PRKN: variants seen among roughly 807,000 people sequenced by gnomAD.
PRKN encodes the protein parkin RBR E3 ubiquitin protein ligase.
Under a neutral mutation model 59.5 loss-of-function variants are expected in PRKN, and 56 were observed. The observed-to-expected ratio is 0.94, with a 90% CI of 0.76 to 1.18. The LOEUF is 1.18. Among genes scored for constraint, PRKN ranks in the 50% most tolerant of loss-of-function variants. PRKN has a pLI of 0.00. For missense variants in PRKN, 657 were observed against 596.4 expected, an observed-to-expected ratio of 1.10 and a Z score of -1.06; for synonymous variants, 250 against 222.1, an observed-to-expected ratio of 1.13 and a Z score of -1.12.
chr6:161,788,747 A>C (rs1790525474), intron 6 of PRKN, among the ~76,000 whole-genome samples: 1 of 152,194 alleles, frequency 6.6e-6, no homozygotes. Flanking sequence ...GGAAGCTGGA[A>C]TGTTGTGTGT....
intron 7 of PRKN, chr6:161,715,996 T>G: frequency 1.4e-6 from 1 of 710,832 alleles, no homozygotes; most frequent in Non-Finnish European, 2.2e-6. Context: ...GGCCCTGTGA[T>G]CTATATTTAA....
At chr6:162,210,754 G>T (rs1226680979) in intron 3 of PRKN, among the ~76,000 whole-genome samples, 2 of 152,026 alleles carry the variant, frequency 1.3e-5, no homozygotes, top group Admixed American at 1.3e-4. Flanking sequence ...CTGCAGAAAA[G>T]TTAGGAAGGA....
At chr6:161,704,874 C>T (rs998540664) in intron 7 of PRKN, among the ~76,000 whole-genome samples, 14 of 152,224 alleles carry the variant, frequency 9.2e-5, no homozygotes, top group African/African-American at 3.4e-4. Flanking sequence ...GGTCCCTCAG[C>T]AGTACCACGT....
chr6:162,713,273 T>C (rs1055626007), intron 1 of PRKN, among the ~76,000 whole-genome samples: 4 of 152,030 alleles, frequency 2.6e-5, no homozygotes, highest in Admixed American at 2.6e-4. Context: ...GGCGGGCGGA[T>C]CACGAGGTCA....
At chr6:161,591,259 C>A (rs922273257) in intron 7 of PRKN, among the ~76,000 whole-genome samples, 1 of 152,204 alleles carries the variant, frequency 6.6e-6, no homozygotes, top group South Asian at 2.1e-4. Context: ...CACCTTTTCT[C>A]ATGAGTCTAA....
chr6:162,093,476 C>G (rs78380303), intron 4 of PRKN, among the ~76,000 whole-genome samples: 1,940 of 152,186 alleles, frequency 0.013, 39 homozygotes, highest in African/African-American at 0.044. Context: ...TCTTTAACAC[C>G]TTGCCAGTAA....
At chr6:162,130,590 C>A (rs986091093) in intron 4 of PRKN, among the ~76,000 whole-genome samples, 1 of 152,134 alleles carries the variant, frequency 6.6e-6, no homozygotes, top group African/African-American at 2.4e-5. Flanking sequence ...TTTAGAATAG[C>A]ACTCTCTCTG....
At chr6:161,771,131 C>T (rs4519992) in intron 7 of PRKN, among the ~76,000 whole-genome samples, 51,220 of 151,516 alleles carry the variant, frequency 0.34, 8,819 homozygotes, top group South Asian at 0.44. Context: ...CCGAGGTGGG[C>T]GGATTACGAG....
At position 161,530,593 on chromosome 6, in the gene PRKN, C is replaced by T. The variant is rs1386867380; in HGVS notation, c.1083+18261G>A. On this transcript the variant is annotated intron_variant, in intron 9 of 11. Transcript: ENST00000366898. This position sits in a 1 kb window ranked among gnomAD's most constrained non-coding sequence, Gnocchi z 5.0. ...GTGCAATGGCATGATCTCGGCTCAC[C>T]GCAACCTCCACCTCCCAGGTTCAAG... Among the ~76,000 whole-genome samples the T allele has an allele frequency of 1.3e-5, 2 of 151,896 alleles. No homozygotes were observed. Among genetic ancestry groups the T allele is most frequent in the South Asian group, 2.1e-4 (1 of 4,800 alleles).
At position 161,470,051 on chromosome 6, in the gene PRKN, G is replaced by A. The variant is rs765684363; in HGVS notation, c.1083+78803C>T. Among the ~76,000 whole-genome samples the A allele has an allele frequency of 1.3e-5, 2 of 152,116 alleles. No homozygotes were observed. The highest frequency in any genetic ancestry group is 2.9e-5 in the Non-Finnish European group (2 of 68,010). The stretch of plus-strand genomic sequence containing the variant: ...ACATAGTTTCCTTCAATTCACCAAG[G>A]TAGGCACTCTTAAAAAACACCCATT... On this transcript the variant is annotated intron_variant, in intron 9 of 11. Transcript: ENST00000366898. The surrounding 1 kb of genome is among the most constrained non-coding windows in gnomAD (Gnocchi z 5.1).
intron 2 of PRKN, among the ~76,000 whole-genome samples, chr6:162,431,811 A>G (rs185223250): frequency 0.012 from 1,775 of 152,328 alleles, 15 homozygotes; most frequent in Admixed American, 0.019. Flanking sequence ...GATTATCAAC[A>G]AATGTATTAT....
chr6:162,176,699 A>G (rs1783553318), intron 4 of PRKN, among the ~76,000 whole-genome samples: 1 of 152,194 alleles, frequency 6.6e-6, no homozygotes, highest in African/African-American at 2.4e-5. Flanking sequence ...TGATGATACC[A>G]TAAATAAAAA....
chr6:162,319,398 G>A (rs1298910711), intron 2 of PRKN, among the ~76,000 whole-genome samples: 5 of 151,934 alleles, frequency 3.3e-5, no homozygotes, highest in Admixed American at 1.3e-4. Context: ...TTCATCGTCC[G>A]TTGCTGCAGT....
intron 7 of PRKN, among the ~76,000 whole-genome samples, chr6:161,603,379 T>C (rs1185473053): frequency 6.6e-6 from 1 of 152,200 alleles, no homozygotes; most frequent in East Asian, 1.9e-4. Flanking sequence ...ATCGTCCAAA[T>C]AAGGTAATTG....
intron 5 of PRKN, among the ~76,000 whole-genome samples, chr6:161,986,491 CTTT>C (rs66655962): frequency 3.5e-4 from 49 of 139,374 alleles, no homozygotes; most frequent in African/African-American, 4.2e-4. Context: ...CTGCAGTGTC[CTTT>C]TTTTTTTTTT....
At chr6:161,759,962 G>C (rs893444715) in intron 7 of PRKN, among the ~76,000 whole-genome samples, 1 of 151,840 alleles carries the variant, frequency 6.6e-6, no homozygotes, top group Non-Finnish European at 1.5e-5. Context: ...TTCAGTGAAC[G>C]AGGCATAGCA....
chr6:161,435,932 A>G, intron 9 of PRKN, among the ~76,000 whole-genome samples: 2 of 4,346 alleles, frequency 4.6e-4, no homozygotes, highest in Non-Finnish European at 9.2e-4. Context: ...GTGGGGGAAG[A>G]CAGAGAGCAG....
intron 2 of PRKN, among the ~76,000 whole-genome samples, chr6:162,366,937 C>T (rs1033621512): frequency 2.1e-4 from 32 of 152,088 alleles, no homozygotes; most frequent in Admixed American, 1.3e-4. Context: ...AATGTTTATT[C>T]CCTTATACAA....
At position 161,397,728 on chromosome 6, in the gene PRKN, C is replaced by T. The variant is rs1232175922; in HGVS notation, c.1084-10851G>A. Among the ~76,000 whole-genome samples the T allele has an allele frequency of 6.6e-6, 1 of 152,178 alleles. No individual in the cohort carries two copies. ...GCAGTAGTAGCTGGAAAAGCCTCAA[C>T]TTCTGAGAAGCAGAAGAGGATAGCA... is the stretch of plus-strand genomic sequence containing the variant. On this transcript the variant is annotated intron_variant, in intron 9 of 11. Transcript: ENST00000366898. This position sits in a 1 kb window ranked among gnomAD's most constrained non-coding sequence, Gnocchi z 4.2.
Sources: gnomAD v4.1 joint callset for allele counts (sites outside exome capture counted in the v4.1 genomes callset) on GRCh38, gnomAD v4.1.1 for gene constraint, Gnocchi (gnomAD v3.1) non-coding constraint, MANE v1.5 for transcripts, NCBI Gene and HGNC (gene_info 2026-07-23, HGNC 2026-07-21) for gene names.